The following RPH3A variants were observed in gnomAD, a reference collection of about 807,000 sequenced individuals.
RPH3A encodes the protein rabphilin-3A.
RPH3A carries 48 observed loss-of-function variants against 102.2 expected under a neutral mutation model. The ratio of observed to expected loss-of-function variants is 0.47; its 90% CI spans 0.37 to 0.60. RPH3A has a LOEUF of 0.60. RPH3A is among the 20% of genes least tolerant of loss of function. The pLI is 0.00. For missense variants in RPH3A, 781 were observed against 910.1 expected (o/e 0.86, Z 1.83); for synonymous variants, 310 against 324.3 (o/e 0.96, Z 0.47).
At chr12:112,863,611 G>A (rs1287687938) in intron 5 of RPH3A, among the ~76,000 whole-genome samples, 5 of 152,236 alleles carry the variant, frequency 3.3e-5, no homozygotes, top group African/African-American at 1.2e-4. Context: ...GAGCCACCAT[G>A]CCCAGTTATG....
intron 5 of RPH3A, among the ~76,000 whole-genome samples, chr12:112,855,121 A>G: frequency 6.6e-6 from 1 of 152,160 alleles, no homozygotes; most frequent in East Asian, 1.9e-4. Flanking sequence ...TGAAACAAAG[A>G]TTTCATTCTT....
intron 1 of RPH3A, chr12:112,650,977 C>T (rs1365113238): frequency 3.9e-5 from 6 of 152,010 alleles, no homozygotes; most frequent in Non-Finnish European, 7.3e-5. Context: ...GTGATCCTCC[C>T]ACCTTGGCTT....
At chr12:112,795,409 T>A (rs960207719) in intron 2 of RPH3A, among the ~76,000 whole-genome samples, 1 of 152,212 alleles carries the variant, frequency 6.6e-6, no homozygotes, top group Non-Finnish European at 1.5e-5. Context: ...CTGATGATTT[T>A]AAATAATTCA....
chr12:112,758,699 G>C (rs1050114861), intron 1 of RPH3A, among the ~76,000 whole-genome samples: 3 of 152,108 alleles, frequency 2.0e-5, no homozygotes, highest in Admixed American at 1.3e-4. Context: ...ACCTAGTTCT[G>C]CTGAGCTCCA....
At chr12:112,859,421 A>G (rs1028740152) in intron 5 of RPH3A, among the ~76,000 whole-genome samples, 2 of 152,242 alleles carry the variant, frequency 1.3e-5, no homozygotes, top group Non-Finnish European at 2.9e-5. Flanking sequence ...AAGTCAAGAA[A>G]GTATAGAGGA....
chr12:112,785,103 T>A (rs1222202737), intron 1 of RPH3A, among the ~76,000 whole-genome samples: 2 of 151,990 alleles, frequency 1.3e-5, no homozygotes, highest in African/African-American at 4.8e-5. Context: ...ATGCCTCTAA[T>A]CCCAGCTACT....
intron 1 of RPH3A, among the ~76,000 whole-genome samples, chr12:112,734,160 T>C (rs1398160423): frequency 1.3e-5 from 2 of 152,236 alleles, no homozygotes; most frequent in South Asian, 2.1e-4. Flanking sequence ...TCCCATAAGA[T>C]TGTACTACCA....
rs184642448 is a variant in RPH3A at position 112,585,384 on chromosome 12, G to A, written c.-140+10065G>A. ...TCCCACATAGTGATATTCACTAAGG[G>A]AGACTTCCCAGTTGAAAACCTGGAT... On this transcript the variant is annotated intron_variant, in intron 1 of 21. Coordinates refer to the RPH3A transcript ENST00000543106. Among the ~76,000 whole-genome samples, 10 of 152,312 alleles carry A rather than the reference G, an allele frequency of 6.6e-5. No homozygotes were observed. The East Asian group carries it at 1.9e-3, about 29-fold the overall frequency.
chr12:112,890,193 C>A (rs1425535115), intron 18 of RPH3A, 113 bp downstream of exon 18: 7 of 942,270 alleles, frequency 7.4e-6, no homozygotes, highest in South Asian at 2.8e-5. Flanking sequence ...TTCCAACCAC[C>A]CCCCTGTTGA....
At chr12:112,792,399 C>T (rs1318841034) in intron 2 of RPH3A, 136 bp downstream of exon 2, 3 of 152,212 alleles carry the variant, frequency 2.0e-5, no homozygotes, top group African/African-American at 7.2e-5. Flanking sequence ...GCTTATTTGC[C>T]TACATCCTGC....
chr12:112,889,978 G>C, intron 17 of RPH3A, 46 bp from the exon 18 acceptor site: 1 of 1,567,484 alleles, frequency 6.4e-7, no homozygotes, highest in Non-Finnish European at 8.8e-7. Flanking sequence ...GCAGGAAGAT[G>C]AGCTCCATAG....
intron 1 of RPH3A, among the ~76,000 whole-genome samples, chr12:112,694,642 GCGCACACGCACACACA>G (rs1399463685): frequency 2.6e-4 from 37 of 140,420 alleles, no homozygotes; most frequent in African/African-American, 4.2e-4. Flanking sequence ...ACGCGCGCGC[GCGCACACGCACACACA>G]CACACACACA....
At chr12:112,725,279 A>C (rs182913547) in intron 1 of RPH3A, among the ~76,000 whole-genome samples, 1,711 of 135,442 alleles carry the variant, frequency 0.013, 60 homozygotes, top group African/African-American at 0.047. Flanking sequence ...AAAAAAAAAA[A>C]CACGTTTTAA....
chr12:112,703,490 A>T (rs2040408442), intron 1 of RPH3A, among the ~76,000 whole-genome samples: 2 of 152,326 alleles, frequency 1.3e-5, no homozygotes, highest in African/African-American at 4.8e-5. Flanking sequence ...AGTTAACAAA[A>T]ATTTTGGACA....
At chr12:112,618,852 G>A (rs1053037070) in intron 1 of RPH3A, among the ~76,000 whole-genome samples, 4 of 152,108 alleles carry the variant, frequency 2.6e-5, no homozygotes, top group East Asian at 3.9e-4. Context: ...GTAACTACAC[G>A]TTTTCCTTGC....
At chr12:112,881,695 G>T (rs1374630714) in intron 14 of RPH3A, 77 bp from the exon 15 acceptor site, 3 of 1,003,826 alleles carry the variant, frequency 3.0e-6, no homozygotes, top group Admixed American at 2.0e-5. Context: ...AGATGCCAGG[G>T]GCTATGCCCA....
At chr12:112,644,741 C>G (rs1339991671) in intron 1 of RPH3A, among the ~76,000 whole-genome samples, 1 of 152,218 alleles carries the variant, frequency 6.6e-6, no homozygotes, top group South Asian at 2.1e-4. Context: ...TCATCCTCAT[C>G]TTTAGCTGCC....
chr12:112,887,234 C>T (rs2043016240), intron 16 of RPH3A, among the ~76,000 whole-genome samples: 1 of 152,040 alleles, frequency 6.6e-6, no homozygotes, highest in Admixed American at 6.5e-5. Flanking sequence ...CATAATAACT[C>T]AAAACTAGAA....
At chr12:112,583,074 G>A (rs1409047368) in intron 1 of RPH3A, among the ~76,000 whole-genome samples, 1 of 152,148 alleles carries the variant, frequency 6.6e-6, no homozygotes, top group Non-Finnish European at 1.5e-5. Flanking sequence ...TATGTCAGAG[G>A]GAGGACAGTG....
Sources: gnomAD v4.1 joint callset for allele counts (sites outside exome capture counted in the v4.1 genomes callset) on GRCh38, gnomAD v4.1.1 for gene constraint, MANE v1.5 for transcripts, NCBI Gene and HGNC (gene_info 2026-07-23, HGNC 2026-07-21) for gene names.